The following MTUS2 variants were observed in gnomAD, a reference collection of about 807,000 sequenced individuals.
MTUS2 encodes microtubule associated scaffold protein 2.
A neutral mutation model predicts 114.1 loss-of-function variants in MTUS2; 40 were observed. The observed-to-expected ratio is 0.35, with a 90% CI of 0.27 to 0.46. The LOEUF (loss-of-function observed/expected upper bound fraction) is 0.46, where lower values mean the gene tolerates loss of function less well. Ranked by LOEUF, MTUS2 falls within the 20% of genes least tolerant of loss-of-function variation. The pLI, the probability that MTUS2 is intolerant of heterozygous loss-of-function variation, is 1.00. For synonymous variants in MTUS2, 688 were observed against 672.0 expected (o/e 1.02, Z -0.37); for missense variants, 1,679 against 1,705.4 (o/e 0.98, Z 0.27).
chr13:29,402,494 A>G (rs1593404537), intron 8 of MTUS2, among the ~76,000 whole-genome samples: 1 of 151,068 alleles, frequency 6.6e-6, no homozygotes, highest in East Asian at 2.0e-4. Context: ...AATAGTGGGC[A>G]GCAGCCACAG....
At chr13:29,077,516 G>C (rs1035250277) in intron 4 of MTUS2, among the ~76,000 whole-genome samples, 1 of 152,040 alleles carries the variant, frequency 6.6e-6, no homozygotes, top group African/African-American at 2.4e-5. Flanking sequence ...GAATCATTCT[G>C]CTTGATGTGT....
At chr13:29,307,453 G>A in intron 6 of MTUS2, 1 of 1,315,746 alleles carries the variant, frequency 7.6e-7, no homozygotes, top group East Asian at 2.3e-5. Context: ...TGAGCTGAAT[G>A]GGAAGCTCAC....
intron 5 of MTUS2, among the ~76,000 whole-genome samples, chr13:29,158,899 C>T (rs563880757): frequency 2.0e-5 from 3 of 152,262 alleles, no homozygotes; most frequent in East Asian, 3.9e-4. Context: ...CAGAGAAGCC[C>T]ACCAGCGGGA....
At chr13:29,462,822 T>C (rs1244859548) in intron 9 of MTUS2, among the ~76,000 whole-genome samples, 2 of 151,996 alleles carry the variant, frequency 1.3e-5, no homozygotes, top group East Asian at 3.9e-4. Context: ...AAACCCCTAG[T>C]GCCAGAGGGA....
At chr13:29,063,418 A>G (rs777456708) in intron 4 of MTUS2, among the ~76,000 whole-genome samples, 2 of 152,176 alleles carry the variant, frequency 1.3e-5, no homozygotes, top group Non-Finnish European at 2.9e-5. Flanking sequence ...GAAGTGTCAG[A>G]ATAGAAGTTT....
At chr13:28,822,988 C>T (rs1281908793) in intron 1 of MTUS2, among the ~76,000 whole-genome samples, 3 of 152,218 alleles carry the variant, frequency 2.0e-5, no homozygotes, top group African/African-American at 7.2e-5. Flanking sequence ...TGATCGCACA[C>T]ACATGGGATT....
At chr13:28,877,296 C>T (rs1006278740) in intron 2 of MTUS2, among the ~76,000 whole-genome samples, 9 of 145,826 alleles carry the variant, frequency 6.2e-5, no homozygotes, top group South Asian at 2.2e-4. Flanking sequence ...CCAGCCTGGG[C>T]GACAGACTGA....
At chr13:28,978,795 C>T (rs1041613243) in intron 2 of MTUS2, among the ~76,000 whole-genome samples, 6 of 152,132 alleles carry the variant, frequency 3.9e-5, no homozygotes, top group African/African-American at 4.8e-5. Context: ...GGCCTTGTGA[C>T]GACGGGTCAG....
intron 7 of MTUS2, among the ~76,000 whole-genome samples, chr13:29,354,914 A>G (rs893073500): frequency 2.0e-5 from 3 of 152,226 alleles, no homozygotes; most frequent in African/African-American, 4.8e-5. Flanking sequence ...GCTGTCTGTC[A>G]CGATGCTGAC....
At chr13:29,342,564 G>T (rs1901454422) in intron 7 of MTUS2, among the ~76,000 whole-genome samples, 1 of 151,970 alleles carries the variant, frequency 6.6e-6, no homozygotes, top group Admixed American at 6.6e-5. Context: ...TTAGGATGAG[G>T]CTTTAGGGTT....
At chr13:29,380,369 T>C (rs1872112114) in intron 8 of MTUS2, among the ~76,000 whole-genome samples, 1 of 152,222 alleles carries the variant, frequency 6.6e-6, no homozygotes, top group Non-Finnish European at 1.5e-5. Flanking sequence ...TGAATTTTGT[T>C]ATTTGAAGCA....
chr13:29,416,438 T>A (rs924705793), intron 8 of MTUS2, among the ~76,000 whole-genome samples: 11 of 151,114 alleles, frequency 7.3e-5, no homozygotes, highest in Non-Finnish European at 1.2e-4. Flanking sequence ...AACATATATG[T>A]AGCACATATA....
intron 2 of MTUS2, among the ~76,000 whole-genome samples, chr13:28,862,537 T>C (rs9551550): frequency 0.22 from 33,314 of 152,144 alleles, 6,407 homozygotes; most frequent in African/African-American, 0.52. Flanking sequence ...CACTTGAACC[T>C]GGGAGGTGGA....
chr13:29,437,101 C>G (rs529254081), intron 8 of MTUS2, among the ~76,000 whole-genome samples: 34 of 152,262 alleles, frequency 2.2e-4, no homozygotes, highest in African/African-American at 7.2e-4. Flanking sequence ...TGAGAGATCC[C>G]TAGGGCATGA....
chr13:28,889,763 T>C (rs1166431693), intron 2 of MTUS2, among the ~76,000 whole-genome samples: 1 of 152,052 alleles, frequency 6.6e-6, no homozygotes, highest in Non-Finnish European at 1.5e-5. Flanking sequence ...GCAATAAGGG[T>C]AAGAGTCCCT....
chr13:29,229,221 C>T (rs1243743307), intron 5 of MTUS2, among the ~76,000 whole-genome samples: 1 of 152,082 alleles, frequency 6.6e-6, no homozygotes, highest in Non-Finnish European at 1.5e-5. Flanking sequence ...TTTCTGTGTT[C>T]CACCTTTGGT....
intron 5 of MTUS2, among the ~76,000 whole-genome samples, chr13:29,144,010 A>G (rs1488505628): frequency 6.6e-6 from 1 of 152,228 alleles, no homozygotes; most frequent in African/African-American, 2.4e-5. Context: ...GCTGGACTCT[A>G]TTCAGTACAC....
chr13:28,849,439 G>A (rs890285499), intron 2 of MTUS2, among the ~76,000 whole-genome samples: 1 of 152,166 alleles, frequency 6.6e-6, no homozygotes, highest in African/African-American at 2.4e-5. Context: ...CAGCCACAGA[G>A]GAATATGCTC....
In MTUS2 at chr13:29,253,858, G is replaced by A. The variant is rs139384490; in HGVS notation, c.2645-27846G>A. ...AGAGAGAGAGAGCTTGTGCAGGGGA[G>A]CTCCTCTTTTTAAAACCATCAGATT... On this transcript the variant is annotated intron_variant, in intron 5 of 15. Transcript: ENST00000612955. 2.4e-3 allele frequency among the ~76,000 whole-genome samples: 367 copies of A among 152,230 alleles called. 1 individual carries two copies. The highest frequency in any genetic ancestry group is 8.4e-3 in the African/African-American group (347 of 41,514).
Sources: gnomAD v4.1 joint callset for allele counts (sites outside exome capture counted in the v4.1 genomes callset) on GRCh38, gnomAD v4.1.1 for gene constraint, MANE v1.5 for transcripts, NCBI Gene and HGNC (gene_info 2026-07-23, HGNC 2026-07-21) for gene names.